The following PHKA1 variants were observed in gnomAD, a reference collection of about 807,000 sequenced individuals.
The protein encoded by PHKA1 is phosphorylase kinase regulatory subunit alpha 1.
PHKA1 carries 60 observed loss-of-function variants against 110.2 expected under a neutral mutation model. The ratio of observed to expected loss-of-function variants is 0.54; its 90% confidence interval spans 0.44 to 0.68. PHKA1 has a LOEUF of 0.68. Ranked by LOEUF, PHKA1 falls within the 30% of genes least tolerant of loss-of-function variation. The probability of loss-of-function intolerance (pLI) is 0.00; values close to 1 mark genes in which losing one functional copy is unlikely to be tolerated. For missense variants in PHKA1, 801 were observed against 942.5 expected, an observed-to-expected ratio of 0.85 and a Z score of 1.97; for synonymous variants, 316 against 333.6, an observed-to-expected ratio of 0.95 and a Z score of 0.58.
At chrX:72,656,494 G>T (rs2053498619) in intron 9 of PHKA1, among the ~76,000 whole-genome samples, 1 of 112,297 alleles carries the variant, frequency 8.9e-6, no homozygotes, top group Admixed American at 9.4e-5. Flanking sequence ...GTTCAGTTTG[G>T]TTTTATATTT....
intron 13 of PHKA1, 73 bp from the exon 14 acceptor site, chrX:72,644,569 T>C: frequency 5.2e-6 from 5 of 966,293 alleles, no homozygotes; most frequent in Non-Finnish European, 7.3e-6. Context: ...TCTCAAGTTA[T>C]ATAATTTCTT....
intron 25 of PHKA1, among the ~76,000 whole-genome samples, chrX:72,604,163 A>C (rs2052696473): frequency 1.8e-5 from 2 of 110,702 alleles, no homozygotes; most frequent in African/African-American, 6.6e-5. Context: ...AAAAAAAAAA[A>C]CAACATTATA....
chrX:72,580,245 C>CTT lies in PHKA1; in HGVS notation c.*756_*757insAA, dbSNP rs2052317738. 8.9e-6 allele frequency: 1 copy of CTT among 112,130 alleles called. No individual in the cohort carries two copies. Among genetic ancestry groups the CTT allele is most frequent in the Non-Finnish European group, 1.9e-5 (1 of 53,294 alleles). 9.2% of individuals were successfully genotyped at this position (112,130 alleles called of 1,213,427 possible). On this transcript the variant is annotated 3_prime_UTR_variant, in exon 32 of 32. Transcript: ENST00000373542. Reference sequence around the variant, plus strand: ...TGCATTTTCTGCTGCAAATACAACTCTGAGTACCAACAATCTTTATAAAAT... The same window carrying CTT: ...TGCATTTTCTGCTGCAAATACAACTCTTTGAGTACCAACAATCTTTATAAAAT...
intron 4 of PHKA1, among the ~76,000 whole-genome samples, chrX:72,687,064 A>G (rs1356722586): frequency 2.7e-5 from 3 of 111,835 alleles, no homozygotes; most frequent in African/African-American, 9.7e-5. Context: ...GTTTTTTATT[A>G]TGAGTAAGGT....
rs2052711601 is a variant in PHKA1 at position 72,605,280 on chromosome X, G to A, written c.2806C>T (p.Arg936Ter). The part of the protein sequence containing the change: ...VMATELAHSL[R>*]CSAEEATEGL... Reference sequence around the variant, plus strand: ...TTACTGAATTAAGTACCTGAGCATCGAAGGGAGTGGGCCAGTTCTGTTGCC... The same window carrying A: ...TTACTGAATTAAGTACCTGAGCATCAAAGGGAGTGGGCCAGTTCTGTTGCC... The change falls in exon 25 of 32, where the codon CGA (arginine) becomes TGA (stop). Residue 936 changes from arginine (R) to a stop codon, truncating the protein, a stop_gained. Coordinates refer to ENST00000373542, the MANE Select transcript of PHKA1 (RefSeq NM_002637.4). LOFTEE classifies it high-confidence loss of function. The A allele has an allele frequency of 4.2e-6, 5 of 1,201,586 alleles. No individual in the cohort carries two copies. The highest frequency in any genetic ancestry group is 3.5e-5 in the South Asian group (2 of 56,628).
Position 72,644,430 on chromosome X carries a change from G to A in PHKA1, c.1391C>T (p.Thr464Ile). 1 of 1,206,785 alleles carries A rather than the reference G, an allele frequency of 8.3e-7. No homozygotes were observed. The highest frequency in any genetic ancestry group is 1.1e-6 in the Non-Finnish European group (1 of 891,490). ...ILKDKGIYVE[T>I]IAEVYPIRVQ... ...TCTGATGGGGTATACCTCAGCAATGGTCTCCACGTAAATTCCCTTGTCCTT... is the reference window on the plus strand; with the variant it reads ...TCTGATGGGGTATACCTCAGCAATGATCTCCACGTAAATTCCCTTGTCCTT... The change falls in exon 14 of 32, where the codon ACC (threonine) becomes ATC (isoleucine). Residue 464 changes from threonine to isoleucine, a missense_variant. Physicochemically the swap from Thr to Ile is moderately conservative, Grantham distance 89 (BLOSUM62 -1). This residue lies in a region of PHKA1 where 299 missense variants were observed against 423.3 expected (regional missense o/e 0.71). Coordinates refer to ENST00000373542, the MANE Select transcript of PHKA1 (RefSeq NM_002637.4).
At chrX:72,663,227 A>G (rs2053580245) in intron 8 of PHKA1, among the ~76,000 whole-genome samples, 1 of 110,782 alleles carries the variant, frequency 9.0e-6, no homozygotes, top group African/African-American at 3.3e-5. Flanking sequence ...GAAGAATTCA[A>G]TTAATGAAAT....
intron 8 of PHKA1, among the ~76,000 whole-genome samples, chrX:72,664,207 C>A (rs964455323): frequency 3.6e-5 from 4 of 110,893 alleles, no homozygotes; most frequent in Non-Finnish European, 7.6e-5. Context: ...TGTAAAGACA[C>A]ACATAGACTA....
chrX:72,584,213 A>G (rs1015988349), intron 30 of PHKA1, 36 bp downstream of exon 30: 4 of 1,093,355 alleles, frequency 3.7e-6, no homozygotes, highest in Non-Finnish European at 3.8e-6. Context: ...CAGCAAAGTT[A>G]TCAGTCACAT....
At position 72,611,150 on chromosome X, in the gene PHKA1, G is replaced by C. The variant is rs782789642; in HGVS notation, c.2404C>G (p.Arg802Gly). The part of the protein sequence containing the change: ...PDWNTELYNE[R>G]SATVRELLTE... ...AGAAGCTCTCTCACTGTAGCACTCCGTTCATTATACAATTCAGTGTTCCAG... is the reference window on the plus strand; with the variant it reads ...AGAAGCTCTCTCACTGTAGCACTCCCTTCATTATACAATTCAGTGTTCCAG... Residue 802 changes from arginine to glycine, a missense_variant, in exon 22 of 32, where the codon CGG (arginine) becomes GGG (glycine). Physicochemically the swap from Arg to Gly is moderately radical, Grantham distance 125. Transcript: ENST00000373542. 2 of 1,206,102 alleles carry C rather than the reference G, an allele frequency of 1.7e-6. No individual in the cohort carries two copies. The highest frequency in any genetic ancestry group is 2.2e-6 in the Non-Finnish European group (2 of 891,000).
chrX:72,686,478 A>G (rs1603271910), intron 4 of PHKA1, among the ~76,000 whole-genome samples: 1 of 112,421 alleles, frequency 8.9e-6, no homozygotes, highest in East Asian at 2.8e-4. Flanking sequence ...CATTTTTTTA[A>G]TAGCTACAGA....
chrX:72,639,004 T>C (rs1418028263), intron 14 of PHKA1, among the ~76,000 whole-genome samples: 2 of 112,241 alleles, frequency 1.8e-5, no homozygotes, highest in Non-Finnish European at 3.8e-5. Flanking sequence ...TCACTCACCT[T>C]CATTTTTAAA....
At chrX:72,594,186 CTA>C (rs2052560857) in intron 28 of PHKA1, among the ~76,000 whole-genome samples, 1 of 109,640 alleles carries the variant, frequency 9.1e-6, no homozygotes, top group African/African-American at 3.3e-5. Flanking sequence ...TTATAAATGC[CTA>C]TATTAAAGAA....
intron 29 of PHKA1, among the ~76,000 whole-genome samples, chrX:72,591,555 T>G (rs2052522385): frequency 9.1e-6 from 1 of 109,621 alleles, no homozygotes. Flanking sequence ...GAACTTAAAG[T>G]ATAATTAAAA....
chrX:72,664,817 CCAA>C (rs1375408009), intron 8 of PHKA1, among the ~76,000 whole-genome samples: 1 of 111,442 alleles, frequency 9.0e-6, no homozygotes, highest in Non-Finnish European at 1.9e-5. Context: ...TCCTCAATGA[CCAA>C]CGAGTCAATG....
chrX:72,646,837 A>C (rs2053365988), intron 13 of PHKA1, among the ~76,000 whole-genome samples: 1 of 111,206 alleles, frequency 9.0e-6, no homozygotes, highest in Non-Finnish European at 1.9e-5. Context: ...ACCAGCTAAA[A>C]AGTTACTACA....
intron 12 of PHKA1, among the ~76,000 whole-genome samples, chrX:72,651,666 T>C (rs1172283929): frequency 2.7e-5 from 3 of 112,339 alleles, no homozygotes; most frequent in Non-Finnish European, 5.6e-5. Context: ...TAAGGATTAC[T>C]TAAACAAACC....
At position 72,702,309 on chromosome X, in the gene PHKA1, G is replaced by A. The variant is rs782117495; in HGVS notation, c.285+2889C>T. 3.6e-5 allele frequency among the ~76,000 whole-genome samples: 4 copies of A among 110,764 alleles called. No homozygotes were observed. The South Asian group carries it at 1.6e-3, about 44-fold the overall frequency. On this transcript the variant is annotated intron_variant, in intron 3 of 31. Transcript: ENST00000373542. The stretch of plus-strand genomic sequence containing the variant: ...CTAAAAACATACAAAAATTAGCCGA[G>A]TGTGGTGGCGCACATCTGTAATCCC...
At chrX:72,653,911 G>T (rs112920075) in intron 10 of PHKA1, among the ~76,000 whole-genome samples, 146 of 110,804 alleles carry the variant, frequency 1.3e-3, no homozygotes, top group African/African-American at 4.4e-3. Flanking sequence ...ATAGCTTCTA[G>T]ATTTGAGGAT....
Sources: gnomAD v4.1 joint callset for allele counts (sites outside exome capture counted in the v4.1 genomes callset) on GRCh38, gnomAD v4.1.1 for gene constraint, gnomAD v4.1.1 regional missense constraint, MANE v1.5 for transcripts, NCBI Gene and HGNC (gene_info 2026-07-23, HGNC 2026-07-21) for gene names.